CSMD3: variants seen among roughly 807,000 people sequenced by gnomAD.
CSMD3 encodes CUB and sushi domain-containing protein 3.
Under a neutral mutation model 435.2 loss-of-function variants are expected in CSMD3, and 177 were observed. The observed-to-expected ratio is 0.41, with a 90% CI of 0.36 to 0.46. The LOEUF is 0.46. Among genes scored for constraint, CSMD3 ranks in the 20% least tolerant of loss-of-function variants. The pLI is 0.34. For missense variants in CSMD3, 4,265 were observed against 4,504.6 expected (o/e 0.95, Z 1.52); for synonymous variants, 1,656 against 1,520.5 (o/e 1.09, Z -2.07).
chr8:112,944,210 G>A (rs1253571231), intron 9 of CSMD3, among the ~76,000 whole-genome samples: 1 of 151,480 alleles, frequency 6.6e-6, no homozygotes, highest in Admixed American at 6.6e-5. Context: ...CCTAGATGCG[G>A]CGTTACTAAC....
intron 53 of CSMD3, among the ~76,000 whole-genome samples, chr8:112,296,602 G>A (rs1281699188): frequency 6.6e-6 from 1 of 151,412 alleles, no homozygotes; most frequent in Non-Finnish European, 1.5e-5. Flanking sequence ...AAAATTTAGA[G>A]GTACAGATAA....
At chr8:113,332,296 T>A in intron 1 of CSMD3, among the ~76,000 whole-genome samples, 3 of 138,294 alleles carry the variant, frequency 2.2e-5, no homozygotes, top group African/African-American at 2.8e-5. Context: ...ACCACAAAAC[T>A]TCAATTGGTT....
chr8:113,053,212 C>T (rs2088174020), intron 5 of CSMD3, among the ~76,000 whole-genome samples: 1 of 152,140 alleles, frequency 6.6e-6, no homozygotes, highest in East Asian at 1.9e-4. Context: ...CTCCCTTTGT[C>T]CTTCCATAAT....
At chr8:113,121,819 TAACTA>T (rs1186564449) in intron 4 of CSMD3, among the ~76,000 whole-genome samples, 3 of 152,146 alleles carry the variant, frequency 2.0e-5, no homozygotes, top group African/African-American at 7.2e-5. Flanking sequence ...AAAAGAATTA[TAACTA>T]AAGTATGAAT....
rs111323918 is a variant in CSMD3 at position 113,020,139 on chromosome 8, C to T, written c.918-960G>A. Among the ~76,000 whole-genome samples the T allele has an allele frequency of 2.5e-3, 344 of 136,496 alleles. 2 individuals carry two copies. Among genetic ancestry groups the T allele is most frequent in the Non-Finnish European group, 2.5e-3 (167 of 65,606 alleles). 89.5% of individuals were successfully genotyped at this position (136,496 alleles called of 152,430 possible). ...GATTGCGCCACTGCAGTCCGCAGTC[C>T]GGCCTGGGCGACAGAGCGAGACTCC... On this transcript the variant is annotated intron_variant, in intron 5 of 70. Coordinates refer to ENST00000297405, the MANE Select transcript of CSMD3 (RefSeq NM_198123.2).
At chr8:112,906,610 A>G (rs2082270799) in intron 10 of CSMD3, among the ~76,000 whole-genome samples, 1 of 151,548 alleles carries the variant, frequency 6.6e-6, no homozygotes, top group Non-Finnish European at 1.5e-5. Flanking sequence ...ATTACACGGC[A>G]GCAACACAGT....
intron 9 of CSMD3, among the ~76,000 whole-genome samples, chr8:112,930,393 A>T (rs1401475442): frequency 6.6e-6 from 1 of 152,136 alleles, no homozygotes; most frequent in Non-Finnish European, 1.5e-5. Context: ...ATTGTATTTT[A>T]AAAAGCCCCA....
chr8:112,731,004 C>T (rs1228135847), intron 13 of CSMD3, among the ~76,000 whole-genome samples: 2 of 152,106 alleles, frequency 1.3e-5, no homozygotes, highest in African/African-American at 4.8e-5. Flanking sequence ...GTAATTTAAA[C>T]ACCAAATTAA....
Position 112,252,757 on chromosome 8 carries a change from G to A in CSMD3, c.10110+1496C>T, listed in dbSNP as rs1264568107. On this transcript the variant is annotated intron_variant, in intron 63 of 70. Transcript: ENST00000297405. ...ATGTAAGAAAGCCAATCTCCCTAAT[G>A]TAAGACACAAAATACATTTAATTTT... Among the ~76,000 whole-genome samples, 3 of 148,924 alleles carry A rather than the reference G, an allele frequency of 2.0e-5. No individual in the cohort carries two copies. The East Asian group carries it at 5.9e-4, about 29-fold the overall frequency.
At chr8:113,279,485 C>T (rs1205502072) in intron 2 of CSMD3, among the ~76,000 whole-genome samples, 1 of 151,498 alleles carries the variant, frequency 6.6e-6, no homozygotes, top group Non-Finnish European at 1.5e-5. Context: ...ATATTTGAAG[C>T]AATATTTAGA....
At chr8:112,614,209 G>A (rs1277895443) in intron 22 of CSMD3, among the ~76,000 whole-genome samples, 1 of 152,102 alleles carries the variant, frequency 6.6e-6, no homozygotes, top group Non-Finnish European at 1.5e-5. Flanking sequence ...GGGGGAAATG[G>A]CAAGGGGAAC....
At chr8:112,635,570 A>C (rs1014619247) in intron 22 of CSMD3, among the ~76,000 whole-genome samples, 1 of 152,040 alleles carries the variant, frequency 6.6e-6, no homozygotes, top group African/African-American at 2.4e-5. Flanking sequence ...GAGTATGATT[A>C]CTTATCACCT....
At chr8:112,622,685 G>A (rs767367285) in intron 22 of CSMD3, among the ~76,000 whole-genome samples, 52 of 152,168 alleles carry the variant, frequency 3.4e-4, no homozygotes, top group African/African-American at 1.2e-3. Flanking sequence ...TAAAAGTAAC[G>A]CAATGAGTAT....
At chr8:112,322,013 G>A (rs1327670004) in intron 45 of CSMD3, among the ~76,000 whole-genome samples, 1 of 152,090 alleles carries the variant, frequency 6.6e-6, no homozygotes, top group East Asian at 1.9e-4. Context: ...GGAGAAGATA[G>A]GGGGAGCCTA....
At chr8:113,208,460 G>A (rs2092795986) in intron 3 of CSMD3, among the ~76,000 whole-genome samples, 1 of 152,092 alleles carries the variant, frequency 6.6e-6, no homozygotes, top group African/African-American at 2.4e-5. Flanking sequence ...AAAGTATTTT[G>A]AGAACTATCT....
chr8:112,535,116 AG>A (rs1366632131), intron 27 of CSMD3, among the ~76,000 whole-genome samples: 1 of 152,122 alleles, frequency 6.6e-6, no homozygotes, highest in Non-Finnish European at 1.5e-5. Context: ...GGCACAAGAC[AG>A]GGATGCCCTC....
rs776445678 is a variant in CSMD3, at chr8:112,666,270, G to T, written c.2816+7C>A. 1.2e-6 allele frequency: 2 copies of T among 1,603,052 alleles called. No individual in the cohort carries two copies. Among genetic ancestry groups the T allele is most frequent in the South Asian group, 2.2e-5 (2 of 90,606 alleles). On this transcript the variant is annotated splice_region_variant and intron_variant, in intron 17 of 70. Coordinates refer to ENST00000297405, the MANE Select transcript of CSMD3 (RefSeq NM_198123.2). ...TTCTTTAAAAGTAGGAAAAATATTT[G>T]TGAGACCTTTCAAATGTAATTTTGA...
intron 6 of CSMD3, among the ~76,000 whole-genome samples, chr8:112,983,355 A>G (rs2085122154): frequency 1.3e-5 from 2 of 151,700 alleles, no homozygotes; most frequent in South Asian, 4.2e-4. Flanking sequence ...CATTAATTGT[A>G]GATGTTCTTT....
At chr8:112,857,267 A>C (rs1370629969) in intron 11 of CSMD3, among the ~76,000 whole-genome samples, 1 of 151,840 alleles carries the variant, frequency 6.6e-6, no homozygotes, top group East Asian at 1.9e-4. Flanking sequence ...AAAGAACTGA[A>C]AGTAATTATG....
Sources: allele counts gnomAD v4.1 joint callset (sites outside exome capture counted in the v4.1 genomes callset), GRCh38; gene constraint gnomAD v4.1.1; transcripts MANE v1.5; gene names NCBI Gene and HGNC (gene_info 2026-07-23, HGNC 2026-07-21).